CEP112: variants seen among roughly 807,000 people sequenced by gnomAD.
CEP112 encodes the protein centrosomal protein 112, also known as centrosomal protein of 112 kDa.
CEP112 carries 127 observed loss-of-function variants against 153.0 expected under a neutral mutation model. The observed-to-expected ratio is 0.83, with a 90% CI of 0.72 to 0.96. CEP112 has a LOEUF of 0.96. CEP112 is among the 40% of genes least tolerant of loss of function. CEP112 has a pLI of 0.00. For missense variants in CEP112, 1,089 were observed against 1,101.2 expected, an observed-to-expected ratio of 0.99 and a Z score of 0.16; for synonymous variants, 358 against 374.4, an observed-to-expected ratio of 0.96 and a Z score of 0.51.
At chr17:66,067,024 C>G in intron 9 of CEP112, 147 bp from the exon 10 acceptor site, 1 of 58,096 alleles carries the variant, frequency 1.7e-5, no homozygotes, top group Non-Finnish European at 3.0e-5. Context: ...TAAACACACA[C>G]ACACACACAC....
chr17:65,833,046 T>G (rs969579859), intron 21 of CEP112, among the ~76,000 whole-genome samples: 6 of 152,086 alleles, frequency 3.9e-5, no homozygotes, highest in African/African-American at 1.4e-4. Context: ...GCAAGGTTGG[T>G]TCAACCTACA....
At chr17:65,717,489 T>C (rs2049598256) in intron 23 of CEP112, among the ~76,000 whole-genome samples, 2 of 152,346 alleles carry the variant, frequency 1.3e-5, no homozygotes, top group South Asian at 4.1e-4. Flanking sequence ...TCCTTAATAC[T>C]TATCTTTTCT....
intron 18 of CEP112, among the ~76,000 whole-genome samples, chr17:65,952,468 G>A (rs977996387): frequency 5.3e-5 from 8 of 151,980 alleles, no homozygotes; most frequent in African/African-American, 1.4e-4. Context: ...TTTCACTGCT[G>A]AGTAATATTT....
At position 65,774,370 on chromosome 17, in the gene CEP112, CAGA is replaced by C. The variant is rs1356785922; in HGVS notation, c.2395-23649_2395-23647del. Among the ~76,000 whole-genome samples, 8 of 152,216 alleles carry C rather than the reference CAGA, an allele frequency of 5.3e-5. No individual in the cohort carries two copies. The East Asian group carries it at 1.6e-3, about 30-fold the overall frequency. ...ATATAGGTCAGGGGTCCTCTGAGAG[CAGA>C]AGGAGCTGGTGTTCACAGACAGGTC... On this transcript the variant is annotated intron_variant, in intron 21 of 26. Coordinates refer to ENST00000535342, the MANE Select transcript of CEP112 (RefSeq NM_001199165.4).
chr17:65,726,453 A>G (rs1292271204), intron 23 of CEP112, among the ~76,000 whole-genome samples: 3 of 152,164 alleles, frequency 2.0e-5, no homozygotes, highest in African/African-American at 7.2e-5. Context: ...CCTTGAGATG[A>G]TAAAACTTGA....
rs140438554 is a variant in CEP112 at position 65,876,397 on chromosome 17, G to T, written c.2164-24363C>A. On this transcript the variant is annotated intron_variant, in intron 20 of 26. Transcript: ENST00000535342. ...TTTCCTTTTCATAGTTCTAATAAAG[G>T]CATTTTTCTCTTTTACCATTTATTA... Among the ~76,000 whole-genome samples the T allele has an allele frequency of 2.9e-3, 441 of 152,158 alleles. 2 individuals are homozygous for T. The highest frequency in any genetic ancestry group is 1.0e-2 in the African/African-American group (415 of 41,504).
chr17:66,134,589 G>A (rs1257770646), intron 4 of CEP112, among the ~76,000 whole-genome samples: 1 of 152,188 alleles, frequency 6.6e-6, no homozygotes, highest in Non-Finnish European at 1.5e-5. Flanking sequence ...TGTAATCCCA[G>A]CACTTTGGGA....
At position 65,833,415 on chromosome 17, in the gene CEP112, T is replaced by C. The variant is rs138800397; in HGVS notation, c.2394+18389A>G. Among the ~76,000 whole-genome samples the C allele has an allele frequency of 2.2e-3, 342 of 152,304 alleles. 1 individual carries two copies. Among genetic ancestry groups the C allele is most frequent in the African/African-American group, 7.8e-3 (324 of 41,568 alleles). ...CGAATAAGAAAAGAGGAAGTCAAAC[T>C]TTCTCTGTTTGCAGACATGATTCTA... is the stretch of plus-strand genomic sequence containing the variant. On this transcript the variant is annotated intron_variant, in intron 21 of 26. Coordinates refer to ENST00000535342, the MANE Select transcript of CEP112 (RefSeq NM_001199165.4).
intron 4 of CEP112, among the ~76,000 whole-genome samples, chr17:66,139,760 C>CCAA (rs2070605989): frequency 6.6e-6 from 1 of 152,016 alleles, no homozygotes; most frequent in African/African-American, 2.4e-5. Context: ...TATGAACAGA[C>CCAA]CAATAACTAG....
chr17:66,028,044 A>C (rs879907511), intron 15 of CEP112, among the ~76,000 whole-genome samples: 1 of 139,668 alleles, frequency 7.2e-6, no homozygotes, highest in Non-Finnish European at 1.6e-5. Flanking sequence ...TTATTCTAAA[A>C]TAATGATATA....
chr17:66,185,080 C>T (rs893835563), intron 1 of CEP112, among the ~76,000 whole-genome samples: 10 of 152,230 alleles, frequency 6.6e-5, no homozygotes, highest in Admixed American at 5.2e-4. Context: ...GCAGTGGGGG[C>T]AGAGTCTCAA....
Position 66,053,743 on chromosome 17 carries a change from T to G in CEP112, c.1211A>C (p.Gln404Pro). The G allele has an allele frequency of 6.2e-7, 1 of 1,611,350 alleles. No homozygotes were observed. Among genetic ancestry groups the G allele is most frequent in the African/African-American group, 1.3e-5 (1 of 75,006 alleles). ...KMESEYMAQT[Q>P]STNHMIKELE... The stretch of plus-strand genomic sequence containing the variant: ...ACAGGTTTAAAGACTCACTGTGGAC[T>G]GTGTTTGCGCCATGTATTCACTCTC... The change falls in exon 12 of 27, where the codon CAG becomes CCG. Residue 404 changes from glutamine to proline, a missense_variant. Physicochemically the swap from Gln to Pro is moderately conservative, Grantham distance 76. Transcript: ENST00000535342.
chr17:65,796,651 C>T (rs1399173815), intron 21 of CEP112, among the ~76,000 whole-genome samples: 1 of 152,048 alleles, frequency 6.6e-6, no homozygotes, highest in African/African-American at 2.4e-5. Flanking sequence ...CCTCAAACAC[C>T]TCATACAGTT....
chr17:65,866,141 C>A (rs1306160665), intron 20 of CEP112, among the ~76,000 whole-genome samples: 1 of 152,164 alleles, frequency 6.6e-6, no homozygotes, highest in Non-Finnish European at 1.5e-5. Flanking sequence ...CTGGGAAGGC[C>A]CCCCATTTCC....
At chr17:65,987,338 T>C (rs1281318661) in intron 17 of CEP112, among the ~76,000 whole-genome samples, 1 of 152,090 alleles carries the variant, frequency 6.6e-6, no homozygotes, top group Non-Finnish European at 1.5e-5. Context: ...ATCAGTGATG[T>C]TGTAAACCAT....
At chr17:65,693,829 C>T (rs2048236129) in intron 23 of CEP112, among the ~76,000 whole-genome samples, 1 of 152,116 alleles carries the variant, frequency 6.6e-6, no homozygotes. Context: ...AGGGAATGTC[C>T]TCAAGAATGG....
intron 19 of CEP112, among the ~76,000 whole-genome samples, chr17:65,910,248 C>T (rs1894077346): frequency 6.6e-6 from 1 of 152,126 alleles, no homozygotes; most frequent in Admixed American, 6.5e-5. Context: ...AATGAAATAC[C>T]TGTGCCTTCA....
intron 24 of CEP112, among the ~76,000 whole-genome samples, chr17:65,664,452 G>C (rs1404266295): frequency 6.6e-6 from 1 of 152,178 alleles, no homozygotes; most frequent in African/African-American, 2.4e-5. Context: ...TTTCTGAGCA[G>C]GGGAATAACA....
At chr17:65,980,588 C>A (rs1402450030) in intron 17 of CEP112, among the ~76,000 whole-genome samples, 1 of 152,138 alleles carries the variant, frequency 6.6e-6, no homozygotes, top group African/African-American at 2.4e-5. Flanking sequence ...TATTTTCTGT[C>A]CCTTCCTTCA....
Sources: allele counts gnomAD v4.1 joint callset (sites outside exome capture counted in the v4.1 genomes callset), GRCh38; gene constraint gnomAD v4.1.1; transcripts MANE v1.5; gene names NCBI Gene and HGNC (gene_info 2026-07-23, HGNC 2026-07-21).